ITGBL1: variants seen among roughly 807,000 people sequenced by gnomAD.
ITGBL1 encodes integrin subunit beta like 1, also known as integrin beta-like protein 1.
A neutral mutation model predicts 68.5 loss-of-function variants in ITGBL1; 51 were observed. That is an observed-to-expected ratio of 0.74 (90% CI 0.59 to 0.94). ITGBL1 has a LOEUF of 0.94. Among genes scored for constraint, ITGBL1 ranks in the 40% least tolerant of loss-of-function variants. ITGBL1 has a pLI of 0.00. For missense variants in ITGBL1, 649 were observed against 647.4 expected (o/e 1.00, Z -0.03); for synonymous variants, 209 against 227.3 (o/e 0.92, Z 0.72).
intron 2 of ITGBL1, among the ~76,000 whole-genome samples, chr13:101,463,767 AAAAAC>A (rs2048346826): frequency 1.3e-5 from 2 of 151,728 alleles, no homozygotes; most frequent in South Asian, 2.1e-4. Flanking sequence ...AACACAATAA[AAAAAC>A]AAAATCAAAA....
At chr13:101,538,551 G>A (rs1413549541) in intron 2 of ITGBL1, among the ~76,000 whole-genome samples, 1 of 151,904 alleles carries the variant, frequency 6.6e-6, no homozygotes, top group Non-Finnish European at 1.5e-5. Flanking sequence ...TTTACCTTTA[G>A]AAATTCATTT....
chr13:101,457,049 A>C (rs2139613717), intron 2 of ITGBL1, among the ~76,000 whole-genome samples: 1 of 152,320 alleles, frequency 6.6e-6, no homozygotes, highest in Non-Finnish European at 1.5e-5. Context: ...AATGGGAATA[A>C]CAGTACCTAA....
chr13:101,671,461 C>T (rs1163993911), intron 7 of ITGBL1, among the ~76,000 whole-genome samples: 2 of 41,758 alleles, frequency 4.8e-5, no homozygotes, highest in African/African-American at 1.4e-4. Context: ...TTTTTTGAGA[C>T]GGAGTCTCGC....
At position 101,567,738 on chromosome 13, in the gene ITGBL1, A is replaced by C. The variant is rs780057314; in HGVS notation, c.356A>C (p.Gln119Pro). The part of the protein sequence containing the change: ...KCDCGKCKCD[Q>P]GWYGDACQYP... ...GACTGTGGCAAGTGCAAGTGTGACC[A>C]GGGATGGTATGGGGATGCTTGCCAG... Residue 119 changes from glutamine to proline, a missense_variant, in exon 3 of 11, where the codon CAG becomes CCG. Gln to Pro is a moderately conservative substitution (Grantham distance 76, BLOSUM62 -1). Coordinates refer to ENST00000376180, the MANE Select transcript of ITGBL1 (RefSeq NM_004791.3). 1 of 1,613,336 alleles carries C rather than the reference A, an allele frequency of 6.2e-7. No individual in the cohort carries two copies. The highest frequency in any genetic ancestry group is 8.5e-7 in the Non-Finnish European group (1 of 1,179,558).
downstream of ITGBL1, chr13:101,718,793 A>C (rs1006932942): frequency 1.3e-5 from 2 of 152,014 alleles, no homozygotes; most frequent in Non-Finnish European, 2.9e-5. Context: ...AAAAAAAAAA[A>C]AACTAAAATA....
At chr13:101,715,357 C>T in intron 10 of ITGBL1, 1 of 554,732 alleles carries the variant, frequency 1.8e-6, no homozygotes, top group Middle Eastern at 5.0e-4. Flanking sequence ...TAAAGGGTGG[C>T]ACCAAATAAA....
rs547429345 is a variant in ITGBL1 at position 101,716,357 on chromosome 13, T to C, written c.*703T>C. 2.0e-5 allele frequency: 3 copies of C among 152,212 alleles called. No individual in the cohort carries two copies. In the East Asian group the frequency reaches 5.8e-4, roughly 29 times the overall value. 9.4% of individuals were successfully genotyped at this position (152,212 alleles called of 1,614,324 possible). Reference sequence around the variant, plus strand: ...CACTAAGTTATTTGTCTACTCTCACTTTAAACTCACCAAAGAAGATTCTCT... The same window carrying C: ...CACTAAGTTATTTGTCTACTCTCACCTTAAACTCACCAAAGAAGATTCTCT... On this transcript the variant is annotated 3_prime_UTR_variant, in exon 11 of 11. Coordinates refer to ENST00000376180, the MANE Select transcript of ITGBL1 (RefSeq NM_004791.3).
chr13:101,619,351 C>G (rs1310781736), intron 7 of ITGBL1, among the ~76,000 whole-genome samples: 1 of 151,688 alleles, frequency 6.6e-6, no homozygotes, highest in East Asian at 1.9e-4. Flanking sequence ...CACAAGGGCC[C>G]TTACAAGTGG....
chr13:101,564,871 A>G (rs182619765), intron 2 of ITGBL1, among the ~76,000 whole-genome samples: 132 of 151,984 alleles, frequency 8.7e-4, no homozygotes, highest in Admixed American at 1.4e-3. Context: ...AAGTATAATA[A>G]TAATAAAATT....
chr13:101,523,660 A>G (rs1308946655), intron 2 of ITGBL1, among the ~76,000 whole-genome samples: 7 of 152,176 alleles, frequency 4.6e-5, no homozygotes, highest in African/African-American at 7.2e-5. Context: ...TGTTGTTCAC[A>G]TTTAAGATGA....
At chr13:101,461,031 C>T (rs866844438) in intron 2 of ITGBL1, among the ~76,000 whole-genome samples, 2 of 152,150 alleles carry the variant, frequency 1.3e-5, no homozygotes, top group South Asian at 4.2e-4. Flanking sequence ...TGGACTAGGT[C>T]ATCCCTGCAC....
chr13:101,520,025 T>C (rs79200693), intron 2 of ITGBL1, among the ~76,000 whole-genome samples: 1,565 of 152,292 alleles, frequency 0.01, 24 homozygotes, highest in African/African-American at 0.035. Context: ...GTCGACATGC[T>C]TTTTGAGTTT....
intron 7 of ITGBL1, among the ~76,000 whole-genome samples, chr13:101,605,319 CATAT>C (rs2139349281): frequency 5.4e-5 from 1 of 18,542 alleles, no homozygotes; most frequent in Non-Finnish European, 1.0e-4. Flanking sequence ...TGTATATATG[CATAT>C]GCGTATATAT....
intron 7 of ITGBL1, among the ~76,000 whole-genome samples, chr13:101,687,742 T>C (rs564955203): frequency 2.0e-5 from 3 of 152,204 alleles, no homozygotes; most frequent in African/African-American, 7.2e-5. Flanking sequence ...CAATGTAGAG[T>C]AAATTTCAGA....
chr13:101,615,091 A>C (rs2031297137), intron 7 of ITGBL1, among the ~76,000 whole-genome samples: 1 of 152,020 alleles, frequency 6.6e-6, no homozygotes, highest in African/African-American at 2.4e-5. Context: ...CTAGGAGAGA[A>C]TCCTTCCTTG....
At chr13:101,489,976 G>A in intron 2 of ITGBL1, 1 of 1,506,788 alleles carries the variant, frequency 6.6e-7, no homozygotes, top group South Asian at 1.2e-5. Flanking sequence ...GAACTTAGTT[G>A]CAGTGATGGG....
At chr13:101,717,970 C>T (rs1040344052), downstream of ITGBL1, 1 of 152,072 alleles carries the variant, frequency 6.6e-6, no homozygotes, top group African/African-American at 2.4e-5. Context: ...AAAATGTCCT[C>T]GGCATTTGTT....
At chr13:101,632,952 G>A (rs1485171867) in intron 7 of ITGBL1, among the ~76,000 whole-genome samples, 3 of 152,180 alleles carry the variant, frequency 2.0e-5, no homozygotes, top group Non-Finnish European at 2.9e-5. Flanking sequence ...ATGTGCATGG[G>A]GATCCGCTGG....
intron 2 of ITGBL1, among the ~76,000 whole-genome samples, chr13:101,506,201 G>C (rs1263155693): frequency 6.6e-6 from 1 of 152,178 alleles, no homozygotes; most frequent in Non-Finnish European, 1.5e-5. Flanking sequence ...AGACATTCCT[G>C]ATGTGTTGGA....
Sources: allele counts gnomAD v4.1 joint callset (sites outside exome capture counted in the v4.1 genomes callset), GRCh38; gene constraint gnomAD v4.1.1; transcripts MANE v1.5; gene names NCBI Gene and HGNC (gene_info 2026-07-23, HGNC 2026-07-21).